Variants in LDAH observed in about 807,000 individuals in gnomAD.
LDAH encodes lipid droplet-associated hydrolase.
Under a neutral mutation model 29.6 loss-of-function variants are expected in LDAH, and 26 were observed. That is an observed-to-expected ratio of 0.88 (90% confidence interval 0.64 to 1.22). LDAH has a LOEUF of 1.22. LDAH is among the 50% of genes most tolerant of loss of function. The pLI is 0.00. For missense variants in LDAH, 344 were observed against 387.3 expected (o/e 0.89, Z 0.94); for synonymous variants, 117 against 133.0 (o/e 0.88, Z 0.83).
intron 5 of LDAH, among the ~76,000 whole-genome samples, chr2:20,728,291 T>G (rs722705): frequency 6.6e-6 from 1 of 151,738 alleles, no homozygotes; most frequent in Non-Finnish European, 1.5e-5. Flanking sequence ...GTCTGGATGA[T>G]AGTCAAGCCA....
chr2:20,782,378 T>C (rs1670255152), intron 3 of LDAH, among the ~76,000 whole-genome samples: 2 of 152,266 alleles, frequency 1.3e-5, no homozygotes, highest in East Asian at 1.9e-4. Context: ...TGACTTAAGA[T>C]AGCTCACTTG....
At chr2:20,710,650 T>A (rs1425818957) in intron 5 of LDAH, among the ~76,000 whole-genome samples, 1 of 128,346 alleles carries the variant, frequency 7.8e-6, no homozygotes, top group Non-Finnish European at 1.7e-5. Flanking sequence ...ATAGTATACA[T>A]ATATATACAC....
chr2:20,691,721 A>T (rs1663047489), intron 6 of LDAH, among the ~76,000 whole-genome samples: 1 of 152,230 alleles, frequency 6.6e-6, no homozygotes, highest in South Asian at 2.1e-4. Flanking sequence ...ATTGAGATAG[A>T]AATTTTTCTG....
At chr2:20,778,243 G>A (rs1669949509) in intron 3 of LDAH, among the ~76,000 whole-genome samples, 1 of 152,094 alleles carries the variant, frequency 6.6e-6, no homozygotes, top group African/African-American at 2.4e-5. Context: ...TTTTCTCTTA[G>A]AACCTGAGCC....
At chr2:20,733,397 ATTTT>A (rs34191708) in intron 5 of LDAH, among the ~76,000 whole-genome samples, 4 of 111,906 alleles carry the variant, frequency 3.6e-5, no homozygotes, top group African/African-American at 1.0e-4. Flanking sequence ...ATGCCTGGCT[ATTTT>A]TTTTTTTTTT....
At chr2:20,781,399 T>C (rs568411940) in intron 3 of LDAH, among the ~76,000 whole-genome samples, 5 of 152,366 alleles carry the variant, frequency 3.3e-5, no homozygotes, top group Admixed American at 6.5e-5. Flanking sequence ...CTTTCAACAT[T>C]TGATGTGTGG....
chr2:20,734,991 C>T (rs1440216364), intron 5 of LDAH, among the ~76,000 whole-genome samples: 1 of 152,218 alleles, frequency 6.6e-6, no homozygotes, highest in Non-Finnish European at 1.5e-5. Context: ...AACTAGCTGT[C>T]CTTCAAACAG....
chr2:20,756,621 T>C (rs1668361237), intron 4 of LDAH, among the ~76,000 whole-genome samples: 1 of 152,170 alleles, frequency 6.6e-6, no homozygotes, highest in Admixed American at 6.6e-5. Context: ...AAAGTTTAAT[T>C]AGATGAATTG....
chr2:20,697,830 T>C (rs1264945728), intron 6 of LDAH, among the ~76,000 whole-genome samples: 2 of 152,234 alleles, frequency 1.3e-5, no homozygotes, highest in Non-Finnish European at 2.9e-5. Context: ...TTAGTATTTC[T>C]TTCAATTAGG....
chr2:20,710,586 GT>G (rs1268705642), intron 5 of LDAH, among the ~76,000 whole-genome samples: 6 of 41,132 alleles, frequency 1.5e-4, no homozygotes, highest in Middle Eastern at 8.3e-3. Flanking sequence ...ATATATAGGG[GT>G]GTGTGTGTGT....
intron 4 of LDAH, among the ~76,000 whole-genome samples, chr2:20,746,058 G>A (rs1156729000): frequency 3.3e-5 from 5 of 152,188 alleles, no homozygotes; most frequent in Admixed American, 6.5e-5. Flanking sequence ...AGAGCCAGGT[G>A]AACAGTATTG....
At chr2:20,720,004 C>T (rs1665532861) in intron 5 of LDAH, among the ~76,000 whole-genome samples, 2 of 152,102 alleles carry the variant, frequency 1.3e-5, no homozygotes, top group African/African-American at 4.8e-5. Flanking sequence ...AGACTCACAG[C>T]TAATATCACA....
At chr2:20,730,154 T>A (rs1666299060) in intron 5 of LDAH, among the ~76,000 whole-genome samples, 2 of 152,248 alleles carry the variant, frequency 1.3e-5, no homozygotes, top group African/African-American at 4.8e-5. Context: ...TGTTCCTTTT[T>A]ATTATCAAGT....
chr2:20,740,127 A>G lies in LDAH; in HGVS notation c.547T>C (p.Leu183=). 1 of 1,614,152 alleles carries G rather than the reference A, an allele frequency of 6.2e-7. No individual in the cohort carries two copies. The highest frequency in any genetic ancestry group is 1.1e-5 in the South Asian group (1 of 91,086). The change falls in exon 5 of 7, where the codon TTG becomes CTG. Residue 183 remains leucine, a synonymous_variant. Transcript: ENST00000237822. ...TAGAGAACATATCGAAACCAGCACA[A>G]AAGTGGAGTGGCAATTCTGCCATTG... ...SPNGRIATPL[L]CWFRYVLYVT...
chr2:20,717,695 TA>T (rs1196980497), intron 5 of LDAH, among the ~76,000 whole-genome samples: 3 of 152,314 alleles, frequency 2.0e-5, no homozygotes, highest in Non-Finnish European at 2.9e-5. Flanking sequence ...ATTCAAAATG[TA>T]GGGGGAGAAT....
intron 4 of LDAH, among the ~76,000 whole-genome samples, chr2:20,765,410 GAC>G (rs1668961898): frequency 6.6e-6 from 1 of 152,044 alleles, no homozygotes; most frequent in Non-Finnish European, 1.5e-5. Context: ...TGTCTTCGAG[GAC>G]ACCAAGAACC....
At chr2:20,770,906 T>C (rs1005027798) in intron 4 of LDAH, among the ~76,000 whole-genome samples, 2 of 152,206 alleles carry the variant, frequency 1.3e-5, no homozygotes, top group African/African-American at 4.8e-5. Flanking sequence ...AAATGAAAGA[T>C]GGGGCCAGAT....
At chr2:20,708,289 C>T (rs1000767788) in intron 5 of LDAH, among the ~76,000 whole-genome samples, 1 of 152,118 alleles carries the variant, frequency 6.6e-6, no homozygotes, top group African/African-American at 2.4e-5. Context: ...GAGGTTTTTG[C>T]CTTGGTGGTG....
chr2:20,717,269 T>C (rs1665286898), intron 5 of LDAH, among the ~76,000 whole-genome samples: 1 of 152,150 alleles, frequency 6.6e-6, no homozygotes, highest in African/African-American at 2.4e-5. Context: ...ATTAGAATTT[T>C]TTTCCAGCAA....
Sources: gnomAD v4.1 joint callset for allele counts (sites outside exome capture counted in the v4.1 genomes callset) on GRCh38, gnomAD v4.1.1 for gene constraint, MANE v1.5 for transcripts, NCBI Gene and HGNC (gene_info 2026-07-23, HGNC 2026-07-21) for gene names.